The following PDE11A variants were observed in gnomAD, a reference collection of about 807,000 sequenced individuals.
The protein encoded by PDE11A is dual 3',5'-cyclic-AMP and -GMP phosphodiesterase 11A.
A neutral mutation model predicts 100.5 loss-of-function variants in PDE11A; 100 were observed. The ratio of observed to expected loss-of-function variants is 1.00; its 90% CI spans 0.85 to 1.18. PDE11A has a LOEUF of 1.18. PDE11A is among the 50% of genes most tolerant of loss of function. PDE11A has a pLI of 0.00. For missense variants in PDE11A, 1,141 were observed against 1,152.6 expected, an observed-to-expected ratio of 0.99 and a Z score of 0.15; for synonymous variants, 381 against 420.8, an observed-to-expected ratio of 0.91 and a Z score of 1.16.
intron 1 of PDE11A, among the ~76,000 whole-genome samples, chr2:178,040,376 G>A (rs892329312): frequency 6.6e-6 from 1 of 152,000 alleles, no homozygotes; most frequent in Non-Finnish European, 1.5e-5. Context: ...ATTTTAATCT[G>A]GTGTGAGTAG....
Position 177,730,231 on chromosome 2 carries a change from C to G in PDE11A, c.1789-2059G>C, listed in dbSNP as rs575234643. 1.7e-4 allele frequency among the ~76,000 whole-genome samples: 26 copies of G among 152,168 alleles called. 1 individual carries two copies. Among genetic ancestry groups the G allele is most frequent in the Non-Finnish European group, 3.4e-4 (23 of 68,030 alleles). On this transcript the variant is annotated intron_variant, in intron 10 of 19. Transcript: ENST00000286063. ...CCTAATGCTATCCTTCCTCCCTCCC[C>G]ACACCCCACGACAGATCCCGGTGTG... is the stretch of plus-strand genomic sequence containing the variant.
At chr2:177,760,768 G>T (rs1473851112) in intron 10 of PDE11A, among the ~76,000 whole-genome samples, 1 of 152,104 alleles carries the variant, frequency 6.6e-6, no homozygotes, top group Non-Finnish European at 1.5e-5. Flanking sequence ...GGGCAGATCT[G>T]GCTACAGAGA....
chr2:177,685,088 T>G (rs2080923843), intron 15 of PDE11A, among the ~76,000 whole-genome samples: 1 of 152,220 alleles, frequency 6.6e-6, no homozygotes, highest in South Asian at 2.1e-4. Context: ...TGGCCCACTT[T>G]TGTTCACTTC....
In PDE11A at chr2:177,709,056, A is replaced by G. The variant is rs115667040; in HGVS notation, c.2153+2713T>C. On this transcript the variant is annotated intron_variant, in intron 13 of 19. Transcript: ENST00000286063. The stretch of plus-strand genomic sequence containing the variant: ...GAGAGATGTGACTGAGCAGGACCCC[A>G]CCAGTGCTTCTTGGAGTCCCTGTGT... Among the ~76,000 whole-genome samples, 1,120 of 152,268 alleles carry G rather than the reference A, an allele frequency of 7.4e-3. 14 individuals carry two copies. The highest frequency in any genetic ancestry group is 0.025 in the African/African-American group (1,047 of 41,540).
intron 13 of PDE11A, among the ~76,000 whole-genome samples, chr2:177,709,673 G>C (rs1000770551): frequency 3.3e-5 from 5 of 152,180 alleles, no homozygotes; most frequent in African/African-American, 1.2e-4. Context: ...ATCAGTGAAG[G>C]CTGGGGCAGA....
intron 2 of PDE11A, chr2:177,998,668 C>A: frequency 8.2e-7 from 1 of 1,222,030 alleles, no homozygotes; most frequent in South Asian, 1.2e-5. Flanking sequence ...CCACCTTTCA[C>A]ACCATCCAGT....
At chr2:178,068,006 C>T (rs572570366) in intron 1 of PDE11A, among the ~76,000 whole-genome samples, 88 of 152,276 alleles carry the variant, frequency 5.8e-4, no homozygotes, top group African/African-American at 2.0e-3. Flanking sequence ...ATTATCAACA[C>T]TGACAAAAAT....
rs1559062261 is a variant in PDE11A at position 178,071,543 on chromosome 2, T to C, written c.895A>G (p.Ile299Val). 3 of 1,612,900 alleles carry C rather than the reference T, an allele frequency of 1.9e-6. No homozygotes were observed. Among genetic ancestry groups the C allele is most frequent in the African/African-American group, 1.3e-5 (1 of 75,008 alleles). ...YVGEHGETVNIPDAYQDRRFN... is the reference protein window; with the variant it reads ...YVGEHGETVNVPDAYQDRRFN... ...AGTCCTACCTGGTAGGCATCAGGAA[T>C]GTTGACCGTTTCTCCATGCTCCCCG... Residue 299 changes from isoleucine to valine, a missense_variant, in exon 1 of 20, where the codon ATT (isoleucine) becomes GTT (valine). Coordinates refer to ENST00000286063, the MANE Select transcript of PDE11A (RefSeq NM_016953.4).
chr2:177,800,632 A>G (rs1037942523), intron 9 of PDE11A, among the ~76,000 whole-genome samples: 16 of 152,208 alleles, frequency 1.1e-4, no homozygotes, highest in Non-Finnish European at 1.9e-4. Flanking sequence ...CATTTCCTAC[A>G]TGCCTACTGT....
chr2:177,970,725 T>A (rs2085758644), intron 2 of PDE11A, among the ~76,000 whole-genome samples: 1 of 152,104 alleles, frequency 6.6e-6, no homozygotes, highest in South Asian at 2.1e-4. Context: ...AGAGATAGAC[T>A]GTAGAACATA....
Position 177,634,388 on chromosome 2 carries a change from C to CTTTTTTTT in PDE11A, c.2647-4827_2647-4826insAAAAAAAA, listed in dbSNP as rs1198925669. 1.6e-4 allele frequency among the ~76,000 whole-genome samples: 10 copies of CTTTTTTTT among 61,088 alleles called. 1 individual carries two copies. The highest frequency in any genetic ancestry group is 1.9e-4 in the Non-Finnish European group (4 of 20,708). 40.1% of individuals were successfully genotyped at this position (61,088 alleles called of 152,430 possible). ...TCTTGAAAACTTACTTTTTCTCTCT[C>CTTTTTTTT]TCTTTTTTTTTTTTTTGTGAGAAGG... On this transcript the variant is annotated intron_variant, in intron 19 of 19. Coordinates refer to ENST00000286063, the MANE Select transcript of PDE11A (RefSeq NM_016953.4).
In PDE11A at chr2:177,628,142, T is replaced by C. The variant is rs1287404126; in HGVS notation, c.*1265A>G. On this transcript the variant is annotated 3_prime_UTR_variant, in exon 20 of 20. Transcript: ENST00000286063. Reference sequence around the variant, plus strand: ...AAAGAGTTGTAAGGTTAAAACATGTTCGAGAATCGTTTCCTAGTGTAATCT... The same window carrying C: ...AAAGAGTTGTAAGGTTAAAACATGTCCGAGAATCGTTTCCTAGTGTAATCT... 2 of 152,616 alleles carry C rather than the reference T, an allele frequency of 1.3e-5. No individual in the cohort carries two copies. The highest frequency in any genetic ancestry group is 2.9e-5 in the Non-Finnish European group (2 of 68,038). The allele number at this position is 152,616 out of a possible 1,614,324, so 9.5% of individuals were successfully genotyped here.
intron 5 of PDE11A, among the ~76,000 whole-genome samples, chr2:177,855,593 A>G (rs1226499529): frequency 6.6e-6 from 1 of 152,040 alleles, no homozygotes; most frequent in Non-Finnish European, 1.5e-5. Context: ...GAACTCCCCA[A>G]AAGCTCTATC....
intron 9 of PDE11A, among the ~76,000 whole-genome samples, chr2:177,796,284 A>G (rs1249702353): frequency 3.3e-5 from 5 of 151,924 alleles, no homozygotes; most frequent in Non-Finnish European, 7.4e-5. Flanking sequence ...AAGTCCATGG[A>G]TTTCCGGGAC....
At chr2:178,059,754 C>G (rs1390890427) in intron 1 of PDE11A, among the ~76,000 whole-genome samples, 3 of 152,182 alleles carry the variant, frequency 2.0e-5, no homozygotes, top group Admixed American at 1.3e-4. Context: ...TTCCCAAAGC[C>G]TAACTGGCTT....
intron 2 of PDE11A, among the ~76,000 whole-genome samples, chr2:177,945,656 C>T (rs1308441615): frequency 1.5e-3 from 223 of 150,676 alleles, no homozygotes; most frequent in African/African-American, 5.2e-3. Flanking sequence ...GGAGCCTCTC[C>T]GCCCGGCAGC....
intron 19 of PDE11A, 107 bp downstream of exon 19, chr2:177,663,759 A>C: frequency 1.3e-6 from 1 of 753,078 alleles, no homozygotes; most frequent in Non-Finnish European, 2.4e-6. Context: ...AGCTCTCCGC[A>C]ATGTGCATAC....
chr2:177,827,304 T>C (rs1371195221), intron 6 of PDE11A, among the ~76,000 whole-genome samples: 1 of 152,248 alleles, frequency 6.6e-6, no homozygotes, highest in East Asian at 1.9e-4. Flanking sequence ...TGTGTAACTC[T>C]GGGCATTGGC....
intron 6 of PDE11A, among the ~76,000 whole-genome samples, chr2:177,834,455 C>T (rs2083358756): frequency 6.6e-6 from 1 of 152,166 alleles, no homozygotes; most frequent in South Asian, 2.1e-4. Context: ...CCTATCTTTT[C>T]TTTTACAATA....
Sources: allele counts gnomAD v4.1 joint callset (sites outside exome capture counted in the v4.1 genomes callset), GRCh38; gene constraint gnomAD v4.1.1; transcripts MANE v1.5; gene names NCBI Gene and HGNC (gene_info 2026-07-23, HGNC 2026-07-21).